ASIC4: variants seen among roughly 807,000 people sequenced by gnomAD.
ASIC4 encodes the protein acid-sensing ion channel 4.
In ASIC4, 28 loss-of-function variants were observed where a neutral mutation model predicts 53.4. The observed-to-expected ratio is 0.52, with a 90% CI of 0.39 to 0.72. ASIC4 has a LOEUF of 0.72. Ranked by LOEUF, ASIC4 falls within the 30% of genes least tolerant of loss-of-function variation. ASIC4 has a pLI of 0.00. For synonymous variants in ASIC4, 289 were observed against 301.4 expected, an observed-to-expected ratio of 0.96 and a Z score of 0.43; for missense variants, 649 against 729.7, an observed-to-expected ratio of 0.89 and a Z score of 1.27.
intron 6 of ASIC4, among the ~76,000 whole-genome samples, chr2:219,535,633 G>T (rs1166220410): frequency 6.6e-6 from 1 of 151,740 alleles, no homozygotes; most frequent in Non-Finnish European, 1.5e-5. Flanking sequence ...GTCTATGTCT[G>T]TGTGGGTCTG....
the ASIC4 span, among the ~76,000 whole-genome samples, chr2:219,508,758 C>T: frequency 2.5e-4 from 20 of 78,482 alleles, no homozygotes; most frequent in Non-Finnish European, 3.4e-4. Flanking sequence ...GGCGCCAGCC[C>T]GGGGAGGGTC....
At chr2:219,521,831 A>G (rs1011344294) in intron 1 of ASIC4, among the ~76,000 whole-genome samples, 1 of 152,250 alleles carries the variant, frequency 6.6e-6, no homozygotes, top group South Asian at 2.1e-4. Context: ...GGGAACGGCC[A>G]GCACTGGGGG....
chr2:219,529,768 G>T (rs1019657290), intron 1 of ASIC4, among the ~76,000 whole-genome samples: 1 of 152,160 alleles, frequency 6.6e-6, no homozygotes, highest in African/African-American at 2.4e-5. Flanking sequence ...ACGGTAGACG[G>T]CACTGTGTTC....
intron 1 of ASIC4, among the ~76,000 whole-genome samples, chr2:219,519,032 G>A (rs528767366): frequency 7.9e-4 from 121 of 152,294 alleles, no homozygotes; most frequent in African/African-American, 2.8e-3. Context: ...AGCCTCCTGA[G>A]TAGCTGGGAC....
At position 219,523,170 on chromosome 2, in the gene ASIC4, C is replaced by CTT. The variant is rs538248996; in HGVS notation, c.582+7866_582+7867dup. Among the ~76,000 whole-genome samples the CTT allele has an allele frequency of 1.5e-4, 23 of 152,314 alleles. No homozygotes were observed. The South Asian group carries it at 4.1e-3, about 27-fold the overall frequency. On this transcript the variant is annotated intron_variant, in intron 1 of 9. Coordinates refer to ENST00000358078, the MANE Select transcript of ASIC4 (RefSeq NM_018674.6). ...TATAAGCAAAACTCTTGACGAGGAA[C>CTT]TTTGCATCGAGGGGCGGGAATGTCA...
intron 4 of ASIC4, 91 bp downstream of exon 4, chr2:219,532,568 G>A: frequency 6.7e-7 from 1 of 1,489,044 alleles, no homozygotes; most frequent in Non-Finnish European, 9.0e-7. Flanking sequence ...GCACAGGCAG[G>A]TGCATGTATA....
intron 1 of ASIC4, among the ~76,000 whole-genome samples, chr2:219,523,852 G>A (rs181238640): frequency 6.6e-6 from 1 of 150,746 alleles, no homozygotes; most frequent in Admixed American, 6.6e-5. Context: ...ACAGGGTCAC[G>A]CTCTGTTGCC....
chr2:219,536,939 TC>T lies in ASIC4; in HGVS notation c.1230-125del. ...TGCCTCCCCTCACAGCCTTGGGGAG[TC>T]CGGGGGGTAGTCACTGACTTCCCCA... On this transcript the variant is annotated intron_variant, in intron 6 of 9. Coordinates refer to ENST00000358078, the MANE Select transcript of ASIC4 (RefSeq NM_018674.6). The surrounding 1 kb of genome is among the most constrained non-coding windows in gnomAD (Gnocchi z 4.6). 1.3e-6 allele frequency: 1 copy of T among 765,748 alleles called. No homozygotes were observed. Among genetic ancestry groups the T allele is most frequent in the Non-Finnish European group, 2.2e-6 (1 of 463,998 alleles). The allele number at this position is 765,748 out of a possible 1,614,324, so 47.4% of individuals were successfully genotyped here. A position where few individuals can be genotyped will look rare whatever the true frequency, so the allele number is the denominator to read the frequency against.
chr2:219,523,719 A>C (rs1237602713), intron 1 of ASIC4, among the ~76,000 whole-genome samples: 1 of 152,148 alleles, frequency 6.6e-6, no homozygotes, highest in Non-Finnish European at 1.5e-5. Flanking sequence ...CCCCATCACT[A>C]CAAGGATCAC....
chr2:219,508,844 G>A, the ASIC4 span, among the ~76,000 whole-genome samples: 1 of 143,928 alleles, frequency 6.9e-6, no homozygotes, highest in African/African-American at 2.6e-5. Context: ...GGAGGGGTGC[G>A]CTCCTGCCAT....
In ASIC4 at chr2:219,536,607, G is replaced by C. The variant is rs1695141438; in HGVS notation, c.1230-459G>C. On this transcript the variant is annotated intron_variant, in intron 6 of 9. Coordinates refer to ENST00000358078, the MANE Select transcript of ASIC4 (RefSeq NM_018674.6). The surrounding 1 kb of genome is among the most constrained non-coding windows in gnomAD (Gnocchi z 4.6). ...CAGTGACAGGACGTGGGGCGGTGGGGTGGTGTGGCGGGGAGCCTGAGCCAT... is the reference window on the plus strand; with the variant it reads ...CAGTGACAGGACGTGGGGCGGTGGGCTGGTGTGGCGGGGAGCCTGAGCCAT... Among the ~76,000 whole-genome samples, 1 of 152,080 alleles carries C rather than the reference G, an allele frequency of 6.6e-6. No homozygotes were observed. Among genetic ancestry groups the C allele is most frequent in the Non-Finnish European group, 1.5e-5 (1 of 67,996 alleles).
chr2:219,528,532 TG>T (rs1164989341), intron 1 of ASIC4, among the ~76,000 whole-genome samples: 90 of 146,560 alleles, frequency 6.1e-4, no homozygotes, highest in African/African-American at 2.1e-3. Context: ...CTGGACTTTT[TG>T]TTGTTGTTGT....
In ASIC4 at chr2:219,538,149, G is replaced by C; in HGVS notation, c.*103G>C. 1 of 979,756 alleles carries C rather than the reference G, an allele frequency of 1.0e-6. No individual in the cohort carries two copies. Among genetic ancestry groups the C allele is most frequent in the Admixed American group, 2.0e-5 (1 of 49,340 alleles). 60.7% of individuals were successfully genotyped at this position (979,756 alleles called of 1,614,324 possible). A position where few individuals can be genotyped will look rare whatever the true frequency, so the allele number is the denominator to read the frequency against. On this transcript the variant is annotated 3_prime_UTR_variant, in exon 10 of 10. Transcript: ENST00000358078. ...GAGGCCTGGGGGCGGTGCTCACTGG[G>C]AGGGCCAGGACTCAGTTCCTGCTCT...
At chr2:219,509,245 C>A (rs1238411564), upstream of ASIC4, among the ~76,000 whole-genome samples, 1 of 152,048 alleles carries the variant, frequency 6.6e-6, no homozygotes, top group Non-Finnish European at 1.5e-5. The surrounding 1 kb of genome is among the most constrained non-coding windows in gnomAD (Gnocchi z 5.2). Context: ...GGGAAGCAGG[C>A]ACAGCTGGGG....
In ASIC4 at chr2:219,515,039, C is replaced by T. The variant is rs778494559; in HGVS notation, c.315C>T (p.Ala105=). 6.2e-7 allele frequency: 1 copy of T among 1,613,618 alleles called. No homozygotes were observed. The highest frequency in any genetic ancestry group is 8.5e-7 in the Non-Finnish European group (1 of 1,179,982). ...ACCTGGTGGCAATGGACCCCGCTGC[C>T]CCAGCCCCAGTGGCGGGCTTCCCGG... ...RPHLVAMDPA[A]PAPVAGFPAV... Residue 105 remains alanine, a synonymous_variant, in exon 1 of 10, where the codon GCC becomes GCT. Transcript: ENST00000358078.
chr2:219,534,663 T>C (rs1008667397), intron 5 of ASIC4, among the ~76,000 whole-genome samples: 2 of 151,948 alleles, frequency 1.3e-5, no homozygotes, highest in Non-Finnish European at 2.9e-5. Flanking sequence ...GAGTGGAGAG[T>C]GGATCTGAAG....
rs1695146549 is a variant in ASIC4 at position 219,536,868 on chromosome 2, GC to G, written c.1230-195del. ...CAGGAGTTGTGTTTTGCTCTCCCAG[GC>G]CCTTTGCTACCCCTCAAAAGATGAA... On this transcript the variant is annotated intron_variant, in intron 6 of 9. Transcript: ENST00000358078. The surrounding 1 kb of genome is among the most constrained non-coding windows in gnomAD (Gnocchi z 4.6). 6.6e-6 allele frequency among the ~76,000 whole-genome samples: 1 copy of G among 152,136 alleles called. No individual in the cohort carries two copies. The highest frequency in any genetic ancestry group is 1.9e-4 in the East Asian group (1 of 5,188).
chr2:219,533,101 T>C (rs1357889893), intron 5 of ASIC4, 162 bp downstream of exon 5: 10 of 751,594 alleles, frequency 1.3e-5, no homozygotes, highest in Non-Finnish European at 2.3e-5. Context: ...GGGAGAGGTC[T>C]GCGGACCTCT....
chr2:219,521,397 C>T (rs1451334510), intron 1 of ASIC4, among the ~76,000 whole-genome samples: 2 of 152,248 alleles, frequency 1.3e-5, no homozygotes, highest in Non-Finnish European at 2.9e-5. Flanking sequence ...CTCCCTCTGT[C>T]TCCCCTGCCC....
Sources: allele counts gnomAD v4.1 joint callset (sites outside exome capture counted in the v4.1 genomes callset), GRCh38; gene constraint gnomAD v4.1.1; non-coding constraint Gnocchi (gnomAD v3.1); transcripts MANE v1.5; gene names NCBI Gene and HGNC (gene_info 2026-07-23, HGNC 2026-07-21).